The following MACROH2A1 variants were observed in gnomAD, a reference collection of about 807,000 sequenced individuals.
MACROH2A1 encodes the protein macroH2A.1 histone.
In MACROH2A1, 2 loss-of-function variants were observed where a neutral mutation model predicts 31.6. The observed-to-expected ratio is 0.06, with a 90% CI of 0.03 to 0.20. The LOEUF is 0.20. Among genes scored for constraint, MACROH2A1 ranks in the 10% least tolerant of loss-of-function variants. MACROH2A1 has a pLI of 1.00. For synonymous variants in MACROH2A1, 169 were observed against 189.6 expected (o/e 0.89, Z 0.89); for missense variants, 230 against 474.0 (o/e 0.49, Z 4.78).
chr5:135,339,573 C>T (rs565547492), intron 8 of MACROH2A1, among the ~76,000 whole-genome samples: 17 of 152,286 alleles, frequency 1.1e-4, no homozygotes, highest in South Asian at 6.2e-4. Context: ...TTGCAATTGA[C>T]GGCTGGGGAG....
At chr5:135,376,213 T>TA (rs1398616657) in intron 2 of MACROH2A1, among the ~76,000 whole-genome samples, 1 of 152,132 alleles carries the variant, frequency 6.6e-6, no homozygotes, top group Admixed American at 6.5e-5. Context: ...CAAACTCCTC[T>TA]ACTGTTGTTA....
Position 135,353,062 on chromosome 5 carries a change from G to C in MACROH2A1, c.589-17C>G, listed in dbSNP as rs1761766039. ...AAGGTTCAGCTGCAAAGAAAAGCAT[G>C]AGGTGGGAAATAACAGGAGAGCTGG... On this transcript the variant is annotated splice_polypyrimidine_tract_variant and intron_variant, in intron 5 of 8. Transcript: ENST00000511689. The C allele has an allele frequency of 6.6e-7, 1 of 1,509,902 alleles. No individual in the cohort carries two copies. Among genetic ancestry groups the C allele is most frequent in the Non-Finnish European group, 9.2e-7 (1 of 1,084,826 alleles). The allele number at this position is 1,509,902 out of a possible 1,614,324, so 93.5% of individuals were successfully genotyped here. A position where few individuals can be genotyped will look rare whatever the true frequency, so the allele number is the denominator to read the frequency against.
chr5:135,375,107 C>T (rs766474605), intron 2 of MACROH2A1, among the ~76,000 whole-genome samples: 1 of 152,232 alleles, frequency 6.6e-6, no homozygotes, highest in Non-Finnish European at 1.5e-5. Context: ...AACTGGCCAG[C>T]TCATTAACTC....
chr5:135,350,212 C>G (rs1478795463), intron 6 of MACROH2A1, among the ~76,000 whole-genome samples: 2 of 152,132 alleles, frequency 1.3e-5, no homozygotes, highest in African/African-American at 4.8e-5. Context: ...CTTTCTGGGT[C>G]TAGGATGATG....
rs1765127671 is a variant in MACROH2A1, at chr5:135,378,029, AG to A, written c.173-7888del. ...CTGCCGGTGTGGATTCCCGATGCTG[AG>A]GACTGCTTGTCTAAGGATTTGCCTA... On this transcript the variant is annotated intron_variant, in intron 2 of 8. Transcript: ENST00000511689. 2.6e-5 allele frequency among the ~76,000 whole-genome samples: 4 copies of A among 152,228 alleles called. No homozygotes were observed. The South Asian group carries it at 8.3e-4, about 32-fold the overall frequency.
At chr5:135,374,492 C>G (rs1175639804) in intron 2 of MACROH2A1, among the ~76,000 whole-genome samples, 1 of 152,202 alleles carries the variant, frequency 6.6e-6, no homozygotes, top group South Asian at 2.1e-4. Flanking sequence ...CTGCCTGCCC[C>G]CCATGCACAC....
chr5:135,340,228 T>C (rs1363270304), intron 8 of MACROH2A1, among the ~76,000 whole-genome samples: 1 of 152,128 alleles, frequency 6.6e-6, no homozygotes, highest in African/African-American at 2.4e-5. Flanking sequence ...CCTCAGATGA[T>C]TTACTTAACC....
At chr5:135,373,033 G>A (rs1372965904) in intron 2 of MACROH2A1, among the ~76,000 whole-genome samples, 2 of 152,226 alleles carry the variant, frequency 1.3e-5, no homozygotes, top group Non-Finnish European at 2.9e-5. Context: ...GGAGGCAGAA[G>A]GAGAATGCCC....
At chr5:135,374,495 A>G (rs1236198981) in intron 2 of MACROH2A1, among the ~76,000 whole-genome samples, 1 of 152,216 alleles carries the variant, frequency 6.6e-6, no homozygotes, top group Admixed American at 6.5e-5. Flanking sequence ...CCTGCCCCCC[A>G]TGCACACTGG....
At chr5:135,372,572 A>G (rs1764306113) in intron 2 of MACROH2A1, among the ~76,000 whole-genome samples, 1 of 152,190 alleles carries the variant, frequency 6.6e-6, no homozygotes, top group Non-Finnish European at 1.5e-5. Flanking sequence ...TGCCTATGTG[A>G]CCTTGGGCCC....
chr5:135,385,418 G>A (rs1766263604), intron 2 of MACROH2A1, among the ~76,000 whole-genome samples: 1 of 152,198 alleles, frequency 6.6e-6, no homozygotes, highest in Admixed American at 6.5e-5. Context: ...GCCCTTTGGG[G>A]GTGGGGATGG....
chr5:135,392,990 T>C (rs1462404893), intron 1 of MACROH2A1, among the ~76,000 whole-genome samples: 2 of 152,170 alleles, frequency 1.3e-5, no homozygotes, highest in Non-Finnish European at 2.9e-5. Context: ...GTGAATAAGA[T>C]GAAAAAAGGC....
At chr5:135,377,944 G>A (rs1765117921) in intron 2 of MACROH2A1, among the ~76,000 whole-genome samples, 2 of 152,172 alleles carry the variant, frequency 1.3e-5, no homozygotes, top group South Asian at 2.1e-4. Flanking sequence ...CATAGAAAGG[G>A]AGGCCCCTGA....
intron 2 of MACROH2A1, among the ~76,000 whole-genome samples, chr5:135,372,240 G>C (rs905342983): frequency 1.3e-5 from 2 of 152,206 alleles, no homozygotes; most frequent in African/African-American, 4.8e-5. Context: ...CAGTGATACA[G>C]AGAGTGATAA....
At chr5:135,346,112 G>C in intron 6 of MACROH2A1, 55 bp from the exon 7 acceptor site, 1 of 1,009,070 alleles carries the variant, frequency 9.9e-7, no homozygotes, top group Middle Eastern at 2.1e-4. Context: ...GGCACACACA[G>C]ACACTTAGCA....
In MACROH2A1 at chr5:135,339,827, C is replaced by T. The variant is rs116386274; in HGVS notation, c.953+3433G>A. ...AGAAGCGATGGTGATGGGGCCACCA[C>T]TCCCCTGAGCTGTGCCCCCTGCAGC... On this transcript the variant is annotated intron_variant, in intron 8 of 8. Transcript: ENST00000511689. Among the ~76,000 whole-genome samples, 1,349 of 152,334 alleles carry T rather than the reference C, an allele frequency of 8.9e-3. 18 individuals are homozygous for T. Among genetic ancestry groups the T allele is most frequent in the African/African-American group, 0.031 (1,296 of 41,572 alleles).
chr5:135,334,958 G>T lies in MACROH2A1; in HGVS notation c.*18C>A. 6.2e-7 allele frequency: 1 copy of T among 1,607,530 alleles called. No individual in the cohort carries two copies. The highest frequency in any genetic ancestry group is 8.5e-7 in the Non-Finnish European group (1 of 1,174,608). On this transcript the variant is annotated 3_prime_UTR_variant, in exon 9 of 9. Transcript: ENST00000511689. Reference sequence around the variant, plus strand: ...GAAGGTGGGGTACATGGTGCAGCTGGTTCTGTCATTGCTCAGCCTAGTTGG... The same window carrying T: ...GAAGGTGGGGTACATGGTGCAGCTGTTTCTGTCATTGCTCAGCCTAGTTGG...
intron 5 of MACROH2A1, chr5:135,355,242 G>A (rs1014285653): frequency 4.4e-6 from 2 of 455,908 alleles, no homozygotes; most frequent in Admixed American, 2.3e-5. Context: ...GAGCAGTTGC[G>A]AACAGAACTC....
At chr5:135,359,911 G>T (rs1762618200) in intron 5 of MACROH2A1, 1 of 985,004 alleles carries the variant, frequency 1.0e-6, no homozygotes, top group South Asian at 4.7e-5. Flanking sequence ...ACAAAACCAT[G>T]GCGTCCTGGC....
Sources: gnomAD v4.1 joint callset for allele counts (sites outside exome capture counted in the v4.1 genomes callset) on GRCh38, gnomAD v4.1.1 for gene constraint, MANE v1.5 for transcripts, NCBI Gene and HGNC (gene_info 2026-07-23, HGNC 2026-07-21) for gene names.